Variants in SCUBE3 observed in about 807,000 individuals in gnomAD.
SCUBE3 encodes signal peptide, CUB domain and EGF like domain containing 3.
SCUBE3 carries 33 observed loss-of-function variants against 116.8 expected under a neutral mutation model. The observed-to-expected ratio is 0.28, with a 90% confidence interval of 0.21 to 0.38. The LOEUF (loss-of-function observed/expected upper bound fraction) is 0.38, where lower values mean the gene tolerates loss of function less well. SCUBE3 is among the 10% of genes least tolerant of loss of function. The pLI is 1.00. For missense variants in SCUBE3, 1,007 were observed against 1,324.8 expected (o/e 0.76, Z 3.72); for synonymous variants, 418 against 496.9 (o/e 0.84, Z 2.11).
At chr6:35,218,665 C>T (rs1783015433) in intron 1 of SCUBE3, among the ~76,000 whole-genome samples, 1 of 152,174 alleles carries the variant, frequency 6.6e-6, no homozygotes, top group Non-Finnish European at 1.5e-5. Context: ...AGAAGGACTG[C>T]TGGGCCTTGG....
rs1341219529 is a variant in SCUBE3, at chr6:35,235,378, G to A, written c.712+2077G>A. ...AGTGGGGAGGAGAGGGTGGGGAGGG[G>A]TCCGGGGCCAGAGGGCCACAGTGGC... On this transcript the variant is annotated intron_variant, in intron 6 of 21. Transcript: ENST00000274938. The surrounding 1 kb of genome is among the most constrained non-coding windows in gnomAD (Gnocchi z 4.5). The A allele has an allele frequency of 1.4e-5, 11 of 760,906 alleles. No homozygotes were observed. The highest frequency in any genetic ancestry group is 4.3e-5 in the South Asian group (3 of 70,144). 47.1% of individuals were successfully genotyped at this position (760,906 alleles called of 1,614,324 possible).
At chr6:35,238,126 T>C (rs1272030744) in intron 7 of SCUBE3, 108 bp downstream of exon 7, 2 of 638,046 alleles carry the variant, frequency 3.1e-6, no homozygotes, top group Admixed American at 4.7e-5. Flanking sequence ...ACCTCCTTCT[T>C]ATGAAGAACC....
chr6:35,243,254 G>A lies in SCUBE3; in HGVS notation c.1909+18G>A, dbSNP rs1784159905. 3 of 1,605,408 alleles carry A rather than the reference G, an allele frequency of 1.9e-6. No homozygotes were observed. In the African/African-American group the frequency reaches 4.0e-5, roughly 21 times the overall value. ...CAAGTGTGGTAAGGGAGCTTACTGG[G>A]GAGCAGGGATGTAGGAAAGACCCAG... is the stretch of plus-strand genomic sequence containing the variant. On this transcript the variant is annotated intron_variant, in intron 15 of 21. Transcript: ENST00000274938. This position sits in a 1 kb window ranked among gnomAD's most constrained non-coding sequence, Gnocchi z 6.6.
Position 35,250,120 on chromosome 6 carries a change from A to T in SCUBE3, c.*1415A>T, listed in dbSNP as rs1725172652. The T allele has an allele frequency of 6.6e-6, 1 of 152,392 alleles. No individual in the cohort carries two copies. Among genetic ancestry groups the T allele is most frequent in the African/African-American group, 2.4e-5 (1 of 41,448 alleles). The allele number at this position is 152,392 out of a possible 1,614,324, so 9.4% of individuals were successfully genotyped here. A position where few individuals can be genotyped will look rare whatever the true frequency, so the allele number is the denominator to read the frequency against. On this transcript the variant is annotated 3_prime_UTR_variant, in exon 22 of 22. Transcript: ENST00000274938. ...CTAGAGCCCTTGGCTGTGGTAATCC[A>T]GGGTAATTGCGCAGAGGCATCTGAT... is the stretch of plus-strand genomic sequence containing the variant.
chr6:35,240,638 A>G lies in SCUBE3; in HGVS notation c.1069+148A>G. 1 of 536,084 alleles carries G rather than the reference A, an allele frequency of 1.9e-6. No homozygotes were observed. Among genetic ancestry groups the G allele is most frequent in the Non-Finnish European group, 3.3e-6 (1 of 300,380 alleles). 33.2% of individuals were successfully genotyped at this position (536,084 alleles called of 1,614,324 possible). A position where few individuals can be genotyped will look rare whatever the true frequency, so the allele number is the denominator to read the frequency against. ...CATCCGCTGTGACAAAATAGGAGGA[A>G]TTAAGACAGCTTTTGAAGAACTGGG... On this transcript the variant is annotated intron_variant, in intron 9 of 21. Transcript: ENST00000274938. The surrounding 1 kb of genome is among the most constrained non-coding windows in gnomAD (Gnocchi z 4.6).
Position 35,245,517 on chromosome 6 carries a change from G to T in SCUBE3, c.2599+92G>T. On this transcript the variant is annotated intron_variant, in intron 19 of 21. Coordinates refer to ENST00000274938, the MANE Select transcript of SCUBE3 (RefSeq NM_152753.4). The surrounding 1 kb of genome is among the most constrained non-coding windows in gnomAD (Gnocchi z 4.2). ...GAGAGACTGATACAGGAAGAAATGG[G>T]GCAGTGAAGTTAGGGATCTATGAGG... The T allele has an allele frequency of 9.2e-7, 1 of 1,087,688 alleles. No homozygotes were observed. The highest frequency in any genetic ancestry group is 1.4e-6 in the Non-Finnish European group (1 of 715,232). The allele number at this position is 1,087,688 out of a possible 1,614,324, so 67.4% of individuals were successfully genotyped here.
At position 35,240,374 on chromosome 6, in the gene SCUBE3, A is replaced by C; in HGVS notation, c.953A>C (p.Asp318Ala). 6.3e-7 allele frequency: 1 copy of C among 1,576,368 alleles called. No individual in the cohort carries two copies. Among genetic ancestry groups the C allele is most frequent in the Non-Finnish European group, 8.7e-7 (1 of 1,152,234 alleles). Residue 318 changes from aspartate to alanine, a missense_variant and splice_region_variant, in exon 9 of 22, where the codon GAT becomes GCT. Asp to Ala is a moderately radical substitution (Grantham distance 126, BLOSUM62 -2). Around this residue, in one of 5 missense-constraint regions of SCUBE3, gnomAD observed 214 missense variants for 316.7 expected, o/e 0.68. Coordinates refer to ENST00000274938, the MANE Select transcript of SCUBE3 (RefSeq NM_152753.4). This position sits in a 1 kb window ranked among gnomAD's most constrained non-coding sequence, Gnocchi z 4.6. The part of the protein sequence containing the change: ...KLLINERNCQ[D>A]IDECSFDRTC... ...GTGGCTTGAATCTTTGCTCTTCCAG[A>C]TATAGACGAGTGTTCCTTTGATCGA...
At position 35,248,586 on chromosome 6, in the gene SCUBE3, G is replaced by C. The variant is rs778139700; in HGVS notation, c.2863G>C (p.Val955Leu). 1 of 1,614,098 alleles carries C rather than the reference G, an allele frequency of 6.2e-7. No homozygotes were observed. Among genetic ancestry groups the C allele is most frequent in the Non-Finnish European group, 8.5e-7 (1 of 1,179,988 alleles). The change falls in exon 22 of 22, where the codon GTG (valine) becomes CTG (leucine). Residue 955 changes from valine (V) to leucine (L), a missense_variant. This residue lies in a region of SCUBE3 where 118 missense variants were observed against 196.6 expected (regional missense o/e 0.60). Transcript: ENST00000274938. ...GAAGCTCATCAAGGCCTTCTTTGAG[G>C]TGCTAGCCCACCCCCAGAACTACTT... is the stretch of plus-strand genomic sequence containing the variant. ...DKKLIKAFFE[V>L]LAHPQNYFKY... is the part of the protein sequence containing the mutation.
chr6:35,231,849 G>T lies in SCUBE3; in HGVS notation c.459G>T (p.Gln153His). Reference protein sequence around the residue: ...FLSDNQHTCIQRPEEGMNCMN... With the variant: ...FLSDNQHTCIHRPEEGMNCMN... ...GCGACAACCAGCATACCTGTATCCA[G>T]CGGCCAGAAGGTCAGCCCATGACCT... The change falls in exon 4 of 22, where the codon CAG becomes CAT. Residue 153 changes from glutamine to histidine, a missense_variant. This residue lies in a region of SCUBE3 where 214 missense variants were observed against 316.7 expected (regional missense o/e 0.68). Transcript: ENST00000274938. The surrounding 1 kb of genome is among the most constrained non-coding windows in gnomAD (Gnocchi z 4.2). 1 of 1,611,058 alleles carries T rather than the reference G, an allele frequency of 6.2e-7. No homozygotes were observed. Among genetic ancestry groups the T allele is most frequent in the Non-Finnish European group, 8.5e-7 (1 of 1,177,724 alleles).
chr6:35,238,442 C>T (rs1333699054), intron 7 of SCUBE3, among the ~76,000 whole-genome samples: 1 of 152,124 alleles, frequency 6.6e-6, no homozygotes, highest in African/African-American at 2.4e-5. Context: ...GATGTCTACC[C>T]CTCGAAAGGC....
Position 35,241,818 on chromosome 6 carries a change from G to T in SCUBE3, c.1325G>T (p.Gly442Val). The T allele has an allele frequency of 6.2e-7, 1 of 1,613,094 alleles. No individual in the cohort carries two copies. Among genetic ancestry groups the T allele is most frequent in the Non-Finnish European group, 8.5e-7 (1 of 1,179,594 alleles). Reference protein sequence around the residue: ...RARFLPESENGFTVSCGTPSP... With the variant: ...RARFLPESENVFTVSCGTPSP... ...CTCCTTTTCTCAGAGTCTGAGAATG[G>T]CTTCACGGTGAGCTGTGGGACCCCC... The change falls in exon 12 of 22, where the codon GGC (glycine) becomes GTC (valine). Residue 442 changes from glycine to valine, a missense_variant. Physicochemically the swap from Gly to Val is moderately radical, Grantham distance 109. Transcript: ENST00000274938. This position sits in a 1 kb window ranked among gnomAD's most constrained non-coding sequence, Gnocchi z 4.1.
chr6:35,234,513 C>T (rs903038298), intron 6 of SCUBE3, among the ~76,000 whole-genome samples: 44 of 152,218 alleles, frequency 2.9e-4, no homozygotes, highest in African/African-American at 9.7e-4. Context: ...TCCCCTGCCA[C>T]GTTTCCCTCT....
chr6:35,239,655 T>C lies in SCUBE3; in HGVS notation c.830-97T>C. 8.4e-7 allele frequency: 1 copy of C among 1,185,092 alleles called. No homozygotes were observed. Among genetic ancestry groups the C allele is most frequent in the Non-Finnish European group, 1.2e-6 (1 of 822,022 alleles). 73.4% of individuals were successfully genotyped at this position (1,185,092 alleles called of 1,614,324 possible). On this transcript the variant is annotated intron_variant, in intron 7 of 21. Transcript: ENST00000274938. The surrounding 1 kb of genome is among the most constrained non-coding windows in gnomAD (Gnocchi z 4.1). ...AAGAGGCAGGCCCAGGACTCCTTGA[T>C]TTTTGCATGTCTCTGTCAGTGAGGG...
rs1783963687 is a variant in SCUBE3 at position 35,239,984 on chromosome 6, C to G, written c.952+110C>G. Reference sequence around the variant, plus strand: ...AAACTCAATAGATATCACACAGAGTCTCTAGAGGCAGTGTCATCCTGCAAA... The same window carrying G: ...AAACTCAATAGATATCACACAGAGTGTCTAGAGGCAGTGTCATCCTGCAAA... On this transcript the variant is annotated intron_variant, in intron 8 of 21. Coordinates refer to ENST00000274938, the MANE Select transcript of SCUBE3 (RefSeq NM_152753.4). The surrounding 1 kb of genome is among the most constrained non-coding windows in gnomAD (Gnocchi z 4.1). 1 of 947,178 alleles carries G rather than the reference C, an allele frequency of 1.1e-6. No individual in the cohort carries two copies. The highest frequency in any genetic ancestry group is 1.7e-5 in the African/African-American group (1 of 59,160). 58.7% of individuals were successfully genotyped at this position (947,178 alleles called of 1,614,324 possible).
Position 35,237,914 on chromosome 6 carries a change from TCAACAA to T in SCUBE3, c.727_732del (p.Asn243_Asn244del). 1.2e-6 allele frequency: 2 copies of T among 1,610,232 alleles called. No individual in the cohort carries two copies. Among genetic ancestry groups the T allele is most frequent in the Non-Finnish European group, 1.7e-6 (2 of 1,176,680 alleles). ...CCCTCCTAAACAGAGACCTGTGCTG[TCAACAA>T]CGGGGGCTGTGACAGTAAGTGCCAT... On this transcript the variant is annotated inframe_deletion, in exon 7 of 22. Transcript: ENST00000274938.
chr6:35,216,867 AG>A (rs1452148104), intron 1 of SCUBE3, among the ~76,000 whole-genome samples: 1 of 152,042 alleles, frequency 6.6e-6, no homozygotes, highest in African/African-American at 2.4e-5. Context: ...GTCATGTGGA[AG>A]GGGGGAAAGG....
chr6:35,217,970 C>T (rs748264211), intron 1 of SCUBE3, among the ~76,000 whole-genome samples: 6 of 152,276 alleles, frequency 3.9e-5, no homozygotes, highest in Middle Eastern at 3.4e-3. Flanking sequence ...GAGACTTTTC[C>T]CTGTTTTCAA....
Position 35,233,571 on chromosome 6 carries a change from G to A in SCUBE3, c.712+270G>A, listed in dbSNP as rs2150300225. 6.6e-6 allele frequency among the ~76,000 whole-genome samples: 1 copy of A among 152,312 alleles called. No homozygotes were observed. Among genetic ancestry groups the A allele is most frequent in the South Asian group, 2.1e-4 (1 of 4,828 alleles). On this transcript the variant is annotated intron_variant, in intron 6 of 21. Transcript: ENST00000274938. This position sits in a 1 kb window ranked among gnomAD's most constrained non-coding sequence, Gnocchi z 5.7. ...CACCCTCTTCATCCCAGGACAAAGTGTTGCCAAACTGGGAATAATTAGCAG... is the reference window on the plus strand; with the variant it reads ...CACCCTCTTCATCCCAGGACAAAGTATTGCCAAACTGGGAATAATTAGCAG...
intron 1 of SCUBE3, among the ~76,000 whole-genome samples, chr6:35,215,872 G>A (rs970943833): frequency 6.6e-6 from 1 of 152,112 alleles, no homozygotes; most frequent in Non-Finnish European, 1.5e-5. Context: ...TCCAGTCCTG[G>A]TTCCAGACAG....
Sources: allele counts gnomAD v4.1 joint callset (sites outside exome capture counted in the v4.1 genomes callset), GRCh38; gene constraint gnomAD v4.1.1; regional missense constraint gnomAD v4.1.1; non-coding constraint Gnocchi (gnomAD v3.1); transcripts MANE v1.5; gene names NCBI Gene and HGNC (gene_info 2026-07-23, HGNC 2026-07-21).